The following DLGAP2 variants were observed in gnomAD, a reference collection of about 807,000 sequenced individuals.
The protein encoded by DLGAP2 is disks large-associated protein 2.
In DLGAP2, 26 loss-of-function variants were observed where a neutral mutation model predicts 100.3. The ratio of observed to expected loss-of-function variants is 0.26; its 90% confidence interval spans 0.19 to 0.36. The LOEUF is 0.36. DLGAP2 is among the 10% of genes least tolerant of loss of function. The pLI, the probability that DLGAP2 is intolerant of heterozygous loss-of-function variation, is 1.00. For missense variants in DLGAP2, 1,858 were observed against 1,453.2 expected (o/e 1.28, Z -4.53); for synonymous variants, 886 against 630.1 (o/e 1.41, Z -6.08).
At chr8:966,505 G>C (rs1799874376) in intron 2 of DLGAP2, among the ~76,000 whole-genome samples, 1 of 152,174 alleles carries the variant, frequency 6.6e-6, no homozygotes, top group East Asian at 1.9e-4. Context: ...TTTGGTCTTT[G>C]AGAATGCTTT....
intron 3 of DLGAP2, among the ~76,000 whole-genome samples, chr8:1,309,980 A>C (rs140156640): frequency 0.018 from 2,668 of 151,166 alleles, 28 homozygotes; most frequent in South Asian, 0.031. Context: ...CTGTAATCCC[A>C]GCTACTTGGG....
At chr8:1,225,279 C>A (rs60488625) in intron 2 of DLGAP2, among the ~76,000 whole-genome samples, 1 of 152,132 alleles carries the variant, frequency 6.6e-6, no homozygotes, top group Non-Finnish European at 1.5e-5. Flanking sequence ...GATGTTACAG[C>A]GGAGGAAGGA....
At position 973,261 on chromosome 8, in the gene DLGAP2, C is replaced by T. The variant is rs1800065982; in HGVS notation, c.73+65295C>T. Among the ~76,000 whole-genome samples the T allele has an allele frequency of 3.4e-5, 5 of 148,216 alleles. No individual in the cohort carries two copies. The Admixed American group carries it at 3.4e-4, about 10-fold the overall frequency. The stretch of plus-strand genomic sequence containing the variant: ...GGCCGGGCGGAGGCTGTCCCCCCAC[C>T]TCCCTCCCGGACGGGGCAGCTGGCC... On this transcript the variant is annotated intron_variant, in intron 2 of 14. Coordinates refer to ENST00000637795, the MANE Select transcript of DLGAP2 (RefSeq NM_001346810.2).
intron 2 of DLGAP2, among the ~76,000 whole-genome samples, chr8:1,121,145 C>T (rs1796035634): frequency 6.6e-6 from 1 of 151,534 alleles, no homozygotes; most frequent in Non-Finnish European, 1.5e-5. Flanking sequence ...AGTTAGAAGC[C>T]ATGACCACCC....
At chr8:771,718 T>C (rs1585846055) in intron 1 of DLGAP2, among the ~76,000 whole-genome samples, 1 of 152,362 alleles carries the variant, frequency 6.6e-6, no homozygotes, top group Admixed American at 6.5e-5. Flanking sequence ...GGTGAAAATA[T>C]TTATCCTCAG....
At position 1,310,425 on chromosome 8, in the gene DLGAP2, G is replaced by A. The variant is rs150042326; in HGVS notation, c.106+51542G>A. Among the ~76,000 whole-genome samples the A allele has an allele frequency of 4.3e-3, 652 of 152,258 alleles. 9 individuals carry two copies. The highest frequency in any genetic ancestry group is 0.015 in the African/African-American group (625 of 41,536). ...GTAAGGGGTAGCTCTAATCATAGCTGGAGGCTGGAATGAACCACTTTCAAT... is the reference window on the plus strand; with the variant it reads ...GTAAGGGGTAGCTCTAATCATAGCTAGAGGCTGGAATGAACCACTTTCAAT... On this transcript the variant is annotated intron_variant, in intron 3 of 14. Transcript: ENST00000637795.
intron 3 of DLGAP2, among the ~76,000 whole-genome samples, chr8:1,380,750 A>G (rs1391052565): frequency 6.6e-6 from 1 of 152,144 alleles, no homozygotes; most frequent in Non-Finnish European, 1.5e-5. Context: ...GACTATTGGT[A>G]TTAACTGGGA....
chr8:1,436,264 G>C (rs896771290), intron 3 of DLGAP2, among the ~76,000 whole-genome samples: 5 of 152,166 alleles, frequency 3.3e-5, no homozygotes, highest in African/African-American at 9.6e-5. Context: ...GAGAGCCCCG[G>C]GCAAACCACT....
intron 3 of DLGAP2, among the ~76,000 whole-genome samples, chr8:1,363,630 C>G (rs59169379): frequency 0.063 from 9,557 of 152,282 alleles, 509 homozygotes; most frequent in East Asian, 0.28. Flanking sequence ...ACCTGCAAAT[C>G]TCCTCTGTCT....
Position 1,195,783 on chromosome 8 carries a change from C to T in DLGAP2, c.74-63068C>T, listed in dbSNP as rs567498397. Among the ~76,000 whole-genome samples, 20 of 152,300 alleles carry T rather than the reference C, an allele frequency of 1.3e-4. No homozygotes were observed. In the South Asian group the frequency reaches 2.7e-3, roughly 20 times the overall value. ...CATCGTTGCTCACCCAGGAGCTGAC[C>T]GTGTGGCGCGTTCCCCGGAGTGCGT... On this transcript the variant is annotated intron_variant, in intron 2 of 14. Transcript: ENST00000637795.
chr8:1,140,609 A>G (rs1022188745), intron 2 of DLGAP2, among the ~76,000 whole-genome samples: 9 of 151,632 alleles, frequency 5.9e-5, no homozygotes, highest in Non-Finnish European at 1.2e-4. Flanking sequence ...CCCTTCCCTC[A>G]CTCAGCCAGG....
At chr8:1,348,949 C>T (rs1466948247) in intron 3 of DLGAP2, among the ~76,000 whole-genome samples, 1 of 152,042 alleles carries the variant, frequency 6.6e-6, no homozygotes, top group African/African-American at 2.4e-5. Flanking sequence ...GAATGGTCAC[C>T]ATGGTCTGTC....
rs200327791 is a variant in DLGAP2 at position 1,702,619 on chromosome 8, C to CA, written c.*1223dup. On this transcript the variant is annotated 3_prime_UTR_variant, in exon 15 of 15. Transcript: ENST00000637795. ...TATTGTGATTTCCAGCTGTAGCATTCAAAAAAAAAATTGGTGTTCATGACT... is the reference window on the plus strand; with the variant it reads ...TATTGTGATTTCCAGCTGTAGCATTCAAAAAAAAAAATTGGTGTTCATGACT... 859 of 145,476 alleles carry CA rather than the reference C, an allele frequency of 5.9e-3. 2 individuals are homozygous for CA. The highest frequency in any genetic ancestry group is 9.3e-3 in the Non-Finnish European group (613 of 65,902). 9.0% of individuals were successfully genotyped at this position (145,476 alleles called of 1,614,324 possible). A position where few individuals can be genotyped will look rare whatever the true frequency, so the allele number is the denominator to read the frequency against.
chr8:1,117,510 A>T (rs1483426923), intron 2 of DLGAP2, among the ~76,000 whole-genome samples: 1 of 151,976 alleles, frequency 6.6e-6, no homozygotes, highest in African/African-American at 2.4e-5. Context: ...TGTGTAGGAC[A>T]AGCCTGAACC....
At chr8:781,151 A>G (rs138952994) in intron 1 of DLGAP2, among the ~76,000 whole-genome samples, 8 of 152,014 alleles carry the variant, frequency 5.3e-5, no homozygotes, top group Non-Finnish European at 1.0e-4. Context: ...AAGAATTTGT[A>G]GTCTTTTTTT....
intron 3 of DLGAP2, among the ~76,000 whole-genome samples, chr8:1,442,618 A>T (rs1045418257): frequency 7.0e-6 from 1 of 142,534 alleles, no homozygotes. Context: ...CGGGGCATAG[A>T]CCCGCCAGGC....
At chr8:1,527,355 C>T (rs757094957) in intron 4 of DLGAP2, among the ~76,000 whole-genome samples, 5 of 152,238 alleles carry the variant, frequency 3.3e-5, no homozygotes, top group Non-Finnish European at 5.9e-5. Context: ...CCACCTGGCA[C>T]ATCTCTGAGT....
intron 1 of DLGAP2, among the ~76,000 whole-genome samples, chr8:744,342 A>T (rs1048590134): frequency 7.9e-5 from 12 of 151,934 alleles, no homozygotes; most frequent in African/African-American, 1.9e-4. Context: ...TGGAATAGCC[A>T]CTCTGTGAGG....
In DLGAP2 at chr8:1,643,718, TCACCTGTGTCACCCTCGACCCCGCCGGC is replaced by T. The variant is rs1797968015; in HGVS notation, c.1810+10674_1810+10701del. Among the ~76,000 whole-genome samples the T allele has an allele frequency of 1.2e-3, 10 of 8,408 alleles. 5 individuals carry two copies. Among genetic ancestry groups the T allele is most frequent in the Admixed American group, 2.1e-3 (2 of 950 alleles). 5.5% of individuals were successfully genotyped at this position (8,408 alleles called of 152,430 possible). On this transcript the variant is annotated intron_variant, in intron 8 of 14. Coordinates refer to ENST00000637795, the MANE Select transcript of DLGAP2 (RefSeq NM_001346810.2). ...GTGTCACCCTCGACCCCGCCGGCCC[TCACCTGTGTCACCCTCGACCCCGCCGGC>T]CCTCACCTGTGTCACCCTCCAACCC...
Sources: gnomAD v4.1 joint callset for allele counts (sites outside exome capture counted in the v4.1 genomes callset) on GRCh38, gnomAD v4.1.1 for gene constraint, MANE v1.5 for transcripts, NCBI Gene and HGNC (gene_info 2026-07-23, HGNC 2026-07-21) for gene names.